Variants in FAM53A observed in about 807,000 individuals in gnomAD.
FAM53A encodes protein FAM53A.
Under a neutral mutation model 26.6 loss-of-function variants are expected in FAM53A, and 28 were observed. That is an observed-to-expected ratio of 1.05 (90% CI 0.78 to 1.45). The LOEUF (loss-of-function observed/expected upper bound fraction) is 1.45, where lower values mean the gene tolerates loss of function less well. FAM53A is among the 40% of genes most tolerant of loss of function. The pLI is 0.00. For missense variants in FAM53A, 650 were observed against 575.8 expected (o/e 1.13, Z -1.32); for synonymous variants, 290 against 253.1 (o/e 1.15, Z -1.38).
chr4:1,598,306 C>T, the FAM53A span, among the ~76,000 whole-genome samples: 2 of 152,244 alleles, frequency 1.3e-5, no homozygotes, highest in Non-Finnish European at 2.9e-5. Context: ...ATGGAGTGTG[C>T]GGGAAAAACG....
chr4:1,652,981 TACAC>T (rs1204371108), intron 4 of FAM53A, among the ~76,000 whole-genome samples: 2 of 131,594 alleles, frequency 1.5e-5, no homozygotes, highest in African/African-American at 2.9e-5. Context: ...CTACACCACA[TACAC>T]ACAACACACA....
At chr4:1,629,300 C>T (rs1363102813) in intron 1 of FAM53A, among the ~76,000 whole-genome samples, 2 of 152,166 alleles carry the variant, frequency 1.3e-5, no homozygotes, top group African/African-American at 4.8e-5. Flanking sequence ...TAGAGTCAAT[C>T]TCTGCTGCCA....
chr4:1,580,603 G>GC, the FAM53A span, among the ~76,000 whole-genome samples: 765 of 30,936 alleles, frequency 0.025, 17 homozygotes, highest in Middle Eastern at 0.097. Context: ...CCCACCTCCC[G>GC]CCTAGGCCCT....
chr4:1,649,847 T>G (rs1291319274), intron 4 of FAM53A, among the ~76,000 whole-genome samples: 2 of 147,834 alleles, frequency 1.4e-5, no homozygotes, highest in Non-Finnish European at 3.0e-5. Flanking sequence ...TCAGGTGTGG[T>G]GTTTGACAGT....
chr4:1,589,547 G>T, the FAM53A span, among the ~76,000 whole-genome samples: 1 of 151,640 alleles, frequency 6.6e-6, no homozygotes, highest in Non-Finnish European at 1.5e-5. Flanking sequence ...TTTTTAGTGG[G>T]GAATTATTTG....
chr4:1,643,328 T>A (rs967021273), intron 4 of FAM53A, among the ~76,000 whole-genome samples: 8 of 151,528 alleles, frequency 5.3e-5, no homozygotes, highest in Non-Finnish European at 1.0e-4. Flanking sequence ...TAACCAGGCG[T>A]GGTGGCGGGC....
chr4:1,667,755 C>T (rs1286779111), intron 2 of FAM53A, among the ~76,000 whole-genome samples: 1 of 152,222 alleles, frequency 6.6e-6, no homozygotes, highest in African/African-American at 2.4e-5. Context: ...TCCAGAGCCA[C>T]AGCCAAGCCA....
rs1451119681 is a variant in FAM53A, at chr4:1,659,614, C to CA, written c.76-2147dup. ...GTGGGATGTGGGTGCAGCAGACAAACAGAGCCAGGGTCCCCGGGAGACAGG... is the reference window on the plus strand; with the variant it reads ...GTGGGATGTGGGTGCAGCAGACAAACAAGAGCCAGGGTCCCCGGGAGACAGG... On this transcript the variant is annotated intron_variant, in intron 2 of 4. Coordinates refer to ENST00000308132, the MANE Select transcript of FAM53A (RefSeq NM_001174070.3). The surrounding 1 kb of genome is among the most constrained non-coding windows in gnomAD (Gnocchi z 5.2). Among the ~76,000 whole-genome samples the CA allele has an allele frequency of 6.6e-6, 1 of 152,180 alleles. No homozygotes were observed. The highest frequency in any genetic ancestry group is 2.4e-5 in the African/African-American group (1 of 41,434).
chr4:1,614,290 G>A (rs1250584906), downstream of FAM53A, among the ~76,000 whole-genome samples: 1 of 152,042 alleles, frequency 6.6e-6, no homozygotes, highest in Non-Finnish European at 1.5e-5. Flanking sequence ...AAAGTCACGG[G>A]GCCTGCTGAG....
intron 1 of FAM53A, among the ~76,000 whole-genome samples, chr4:1,623,742 G>A (rs1057451949): frequency 3.3e-5 from 5 of 152,260 alleles, no homozygotes; most frequent in Non-Finnish European, 5.9e-5. Context: ...CGGATCGGAC[G>A]TTACCATACA....
Position 1,640,153 on chromosome 4 carries a change from G to A in FAM53A, c.*1140C>T, listed in dbSNP as rs1487609212. The A allele has an allele frequency of 1.3e-5, 2 of 157,328 alleles. No individual in the cohort carries two copies. The highest frequency in any genetic ancestry group is 4.8e-5 in the African/African-American group (2 of 41,498). The allele number at this position is 157,328 out of a possible 1,614,324, so 9.7% of individuals were successfully genotyped here. A position where few individuals can be genotyped will look rare whatever the true frequency, so the allele number is the denominator to read the frequency against. On this transcript the variant is annotated 3_prime_UTR_variant, in exon 5 of 5. Transcript: ENST00000308132. ...AGAGGTCTGGCACTACACCCCACCT[G>A]AAGGTGCAAGGGCCCTCCCAGGCCA...
chr4:1,668,229 T>C (rs1347092927), intron 2 of FAM53A, among the ~76,000 whole-genome samples: 1 of 151,426 alleles, frequency 6.6e-6, no homozygotes, highest in African/African-American at 2.4e-5. Context: ...AAGCTCCGCC[T>C]CCCGGGTGCA....
chr4:1,614,739 C>G (rs1007093496), downstream of FAM53A, among the ~76,000 whole-genome samples: 1 of 152,178 alleles, frequency 6.6e-6, no homozygotes, highest in Non-Finnish European at 1.5e-5. Context: ...AATCAATACC[C>G]GGCCCTGCTT....
In FAM53A at chr4:1,640,849, C is replaced by G; in HGVS notation, c.*444G>C. Reference sequence around the variant, plus strand: ...GTGCAGGCGGCAGCCATGGCCCCGACCAGCTCACAGGAAACCTACTCTGTG... The same window carrying G: ...GTGCAGGCGGCAGCCATGGCCCCGAGCAGCTCACAGGAAACCTACTCTGTG... On this transcript the variant is annotated 3_prime_UTR_variant, in exon 5 of 5. Coordinates refer to ENST00000308132, the MANE Select transcript of FAM53A (RefSeq NM_001174070.3). 2.4e-6 allele frequency: 1 copy of G among 412,422 alleles called. No homozygotes were observed. The highest frequency in any genetic ancestry group is 1.7e-5 in the South Asian group (1 of 58,460). The allele number at this position is 412,422 out of a possible 1,614,324, so 25.5% of individuals were successfully genotyped here.
chr4:1,580,444 A>G, the FAM53A span, among the ~76,000 whole-genome samples: 1 of 152,182 alleles, frequency 6.6e-6, no homozygotes, highest in Non-Finnish European at 1.5e-5. Flanking sequence ...GCTGGGGCAG[A>G]ACCGGACGGC....
chr4:1,605,147 G>GCAATTTCA, the FAM53A span, among the ~76,000 whole-genome samples: 1 of 152,222 alleles, frequency 6.6e-6, no homozygotes, highest in African/African-American at 2.4e-5. The surrounding 1 kb of genome is among the most constrained non-coding windows in gnomAD (Gnocchi z 5.7). Context: ...CTTCCACCGG[G>GCAATTTCA]CAATTTCACG....
chr4:1,637,308 C>T (rs1392292943), downstream of FAM53A, among the ~76,000 whole-genome samples: 1 of 152,178 alleles, frequency 6.6e-6, no homozygotes, highest in East Asian at 1.9e-4. Context: ...GGCACAGAGG[C>T]TGCCACCCCA....
intron 1 of FAM53A, among the ~76,000 whole-genome samples, chr4:1,676,375 T>C (rs539193309): frequency 6.6e-6 from 1 of 152,296 alleles, no homozygotes; most frequent in South Asian, 2.1e-4. Context: ...CATGCTCCAG[T>C]GTGACCCCAT....
At chr4:1,612,673 T>C in the FAM53A span, among the ~76,000 whole-genome samples, 1 of 152,206 alleles carries the variant, frequency 6.6e-6, no homozygotes, top group African/African-American at 2.4e-5. Flanking sequence ...GTGACACACG[T>C]GTGCTCACAC....
Sources: allele counts gnomAD v4.1 joint callset (sites outside exome capture counted in the v4.1 genomes callset), GRCh38; gene constraint gnomAD v4.1.1; non-coding constraint Gnocchi (gnomAD v3.1); transcripts MANE v1.5; gene names NCBI Gene and HGNC (gene_info 2026-07-23, HGNC 2026-07-21).